The following AK5 variants were observed in gnomAD, a reference collection of about 807,000 sequenced individuals.
The protein encoded by AK5 is adenylate kinase 5.
In AK5, 27 loss-of-function variants were observed where a neutral mutation model predicts 69.5. That is an observed-to-expected ratio of 0.39 (90% CI 0.29 to 0.54). The LOEUF is 0.54. Among genes scored for constraint, AK5 ranks in the 20% least tolerant of loss-of-function variants. The pLI is 0.71. For missense variants in AK5, 531 were observed against 700.4 expected, an observed-to-expected ratio of 0.76 and a Z score of 2.73; for synonymous variants, 260 against 244.4, an observed-to-expected ratio of 1.06 and a Z score of -0.60.
chr1:77,411,435 G>T (rs894555526), intron 7 of AK5, among the ~76,000 whole-genome samples: 1 of 152,140 alleles, frequency 6.6e-6, no homozygotes, highest in East Asian at 1.9e-4. Context: ...CTACCTCATT[G>T]CCTGGATAAA....
intron 6 of AK5, among the ~76,000 whole-genome samples, chr1:77,377,306 C>G (rs1647314648): frequency 6.6e-6 from 1 of 152,154 alleles, no homozygotes; most frequent in Non-Finnish European, 1.5e-5. Context: ...TGCTTCTTTC[C>G]TATGTCCCTT....
chr1:77,370,737 T>C (rs1228677885), intron 6 of AK5, among the ~76,000 whole-genome samples: 6 of 151,882 alleles, frequency 4.0e-5, no homozygotes, highest in African/African-American at 1.5e-4. Flanking sequence ...AAAAAGTGAG[T>C]GCCAGACTCC....
At chr1:77,318,890 A>T (rs1427727619) in intron 5 of AK5, among the ~76,000 whole-genome samples, 1 of 152,166 alleles carries the variant, frequency 6.6e-6, no homozygotes, top group Admixed American at 6.5e-5. Context: ...TTAGTTCATC[A>T]TATTGCTGTG....
chr1:77,512,399 G>A lies in AK5; in HGVS notation c.1148-6165G>A, dbSNP rs1423329591. Among the ~76,000 whole-genome samples, 10 of 152,282 alleles carry A rather than the reference G, an allele frequency of 6.6e-5. No homozygotes were observed. The East Asian group carries it at 1.5e-3, about 24-fold the overall frequency. Reference sequence around the variant, plus strand: ...TTTAAACCTTGATGTGCCAGACAACGTAACTCAGGAAGAGCTATAGAGGTG... The same window carrying A: ...TTTAAACCTTGATGTGCCAGACAACATAACTCAGGAAGAGCTATAGAGGTG... On this transcript the variant is annotated intron_variant, in intron 10 of 13. Coordinates refer to ENST00000354567, the MANE Select transcript of AK5 (RefSeq NM_174858.3).
chr1:77,554,015 C>T (rs546169199), intron 13 of AK5, among the ~76,000 whole-genome samples: 5 of 152,184 alleles, frequency 3.3e-5, no homozygotes, highest in Non-Finnish European at 4.4e-5. Flanking sequence ...ACAACATAAA[C>T]GAACCTTGAA....
intron 8 of AK5, among the ~76,000 whole-genome samples, chr1:77,455,657 G>A (rs1361538048): frequency 6.6e-6 from 1 of 152,088 alleles, no homozygotes; most frequent in Non-Finnish European, 1.5e-5. Flanking sequence ...AGTCTATGAT[G>A]TTTTATTATA....
chr1:77,509,088 C>T (rs1657183918), intron 10 of AK5, among the ~76,000 whole-genome samples: 1 of 152,168 alleles, frequency 6.6e-6, no homozygotes, highest in Admixed American at 6.5e-5. Flanking sequence ...CAGGAGTGGT[C>T]AAGAGCCAAG....
chr1:77,541,199 G>A (rs1659252213), intron 13 of AK5, among the ~76,000 whole-genome samples: 2 of 152,138 alleles, frequency 1.3e-5, no homozygotes, highest in South Asian at 2.1e-4. Flanking sequence ...GAGCTACCAC[G>A]CCCAGCCAGG....
At chr1:77,554,686 A>AG (rs1186592924) in intron 13 of AK5, among the ~76,000 whole-genome samples, 1 of 151,652 alleles carries the variant, frequency 6.6e-6, no homozygotes, top group African/African-American at 2.4e-5. Context: ...GCTCACTGTC[A>AG]GCTCCACCTC....
intron 6 of AK5, among the ~76,000 whole-genome samples, chr1:77,344,643 A>C (rs1661820217): frequency 6.6e-6 from 1 of 152,136 alleles, no homozygotes; most frequent in African/African-American, 2.4e-5. Context: ...GTTCCAATAA[A>C]ATGTCTGTTT....
Position 77,429,172 on chromosome 1 carries a change from G to A in AK5, c.1059+11457G>A, listed in dbSNP as rs1475941059. Among the ~76,000 whole-genome samples the A allele has an allele frequency of 4.6e-5, 7 of 152,080 alleles. No individual in the cohort carries two copies. The East Asian group carries it at 5.8e-4, about 13-fold the overall frequency. ...TCTAGTTCTAGATCCCTGAGGAATC[G>A]CCACACTGACTTCCACAATGGTTGA... On this transcript the variant is annotated intron_variant, in intron 8 of 13. Transcript: ENST00000354567.
At chr1:77,289,437 C>G (rs1419964745) in intron 2 of AK5, among the ~76,000 whole-genome samples, 2 of 152,172 alleles carry the variant, frequency 1.3e-5, no homozygotes, top group African/African-American at 2.4e-5. Context: ...ATACCCCATA[C>G]TTTTGTTACA....
At chr1:77,480,127 T>A (rs1171728990) in intron 8 of AK5, among the ~76,000 whole-genome samples, 2 of 36,290 alleles carry the variant, frequency 5.5e-5, no homozygotes, top group African/African-American at 7.7e-5. Flanking sequence ...CGAGTGTGTG[T>A]GTGTGTGTGT....
intron 2 of AK5, among the ~76,000 whole-genome samples, chr1:77,289,213 A>G (rs527613471): frequency 6.6e-6 from 1 of 152,326 alleles, no homozygotes; most frequent in African/African-American, 2.4e-5. Flanking sequence ...CAAACTGTGC[A>G]GACACAGCTT....
chr1:77,285,454 T>C (rs1362730414), intron 1 of AK5, among the ~76,000 whole-genome samples: 1 of 152,166 alleles, frequency 6.6e-6, no homozygotes, highest in Non-Finnish European at 1.5e-5. Flanking sequence ...TTGCCTACCA[T>C]TCTGAGGAAA....
At chr1:77,551,526 C>A (rs921712698) in intron 13 of AK5, among the ~76,000 whole-genome samples, 3 of 152,100 alleles carry the variant, frequency 2.0e-5, no homozygotes, top group African/African-American at 7.2e-5. Flanking sequence ...AGCCACACAA[C>A]AAAATGAGGA....
intron 7 of AK5, among the ~76,000 whole-genome samples, chr1:77,415,956 G>T (rs1006287567): frequency 6.6e-6 from 1 of 152,162 alleles, no homozygotes; most frequent in African/African-American, 2.4e-5. Flanking sequence ...AACAGACGTT[G>T]AAAGTAGTGG....
intron 5 of AK5, chr1:77,314,332 C>T (rs552182901): frequency 7.8e-4 from 121 of 154,684 alleles, no homozygotes; most frequent in Non-Finnish European, 1.4e-3. Flanking sequence ...CCGGAATATT[C>T]TCTAGCTACA....
chr1:77,393,964 C>G (rs1019492751), intron 6 of AK5, among the ~76,000 whole-genome samples: 2 of 152,102 alleles, frequency 1.3e-5, no homozygotes, highest in African/African-American at 4.8e-5. Context: ...CTGTTCATCC[C>G]AGCACTTTGG....
Sources: allele counts gnomAD v4.1 joint callset (sites outside exome capture counted in the v4.1 genomes callset), GRCh38; gene constraint gnomAD v4.1.1; transcripts MANE v1.5; gene names NCBI Gene and HGNC (gene_info 2026-07-23, HGNC 2026-07-21).